The following RALGAPA1 variants were observed in gnomAD, a reference collection of about 807,000 sequenced individuals.
The protein encoded by RALGAPA1 is Ral GTPase activating protein catalytic subunit alpha 1.
RALGAPA1 carries 52 observed loss-of-function variants against 269.6 expected under a neutral mutation model. The ratio of observed to expected loss-of-function variants is 0.19; its 90% CI spans 0.15 to 0.24. The LOEUF (loss-of-function observed/expected upper bound fraction) is 0.24, where lower values mean the gene tolerates loss of function less well. RALGAPA1 is among the 10% of genes least tolerant of loss of function. The probability of loss-of-function intolerance (pLI) is 1.00; values close to 1 mark genes in which losing one functional copy is unlikely to be tolerated. For synonymous variants in RALGAPA1, 817 were observed against 1,008.3 expected, an observed-to-expected ratio of 0.81 and a Z score of 3.60; for missense variants, 1,917 against 3,013.9, an observed-to-expected ratio of 0.64 and a Z score of 8.52.
chr14:35,764,673 T>C (rs761231467), intron 4 of RALGAPA1, among the ~76,000 whole-genome samples: 1 of 152,030 alleles, frequency 6.6e-6, no homozygotes, highest in South Asian at 2.1e-4. Context: ...AGCCCCCAGA[T>C]AGCTGGGACT....
chr14:35,556,869 C>A (rs978521163), intron 39 of RALGAPA1, among the ~76,000 whole-genome samples: 2 of 151,986 alleles, frequency 1.3e-5, no homozygotes, highest in Non-Finnish European at 2.9e-5. Flanking sequence ...AAATTTGGAC[C>A]ACATATAATT....
chr14:35,581,572 A>G (rs1278718897), intron 37 of RALGAPA1, among the ~76,000 whole-genome samples: 2 of 152,190 alleles, frequency 1.3e-5, no homozygotes, highest in African/African-American at 4.8e-5. Flanking sequence ...TTACTACTAG[A>G]GAAAATAAGA....
chr14:35,539,584 G>A lies in RALGAPA1; in HGVS notation c.*130C>T. On this transcript the variant is annotated 3_prime_UTR_variant, in exon 42 of 42. Transcript: ENST00000680220. ...AGCCAGAGGAACGACGCAGCTTCAT[G>A]GACATGCGGCTTTTGCTAGTTCGAG... The A allele has an allele frequency of 1.2e-6, 2 of 1,613,602 alleles. No homozygotes were observed. Among genetic ancestry groups the A allele is most frequent in the Non-Finnish European group, 1.7e-6 (2 of 1,180,014 alleles).
chr14:35,569,515 A>C (rs117821913), intron 39 of RALGAPA1, among the ~76,000 whole-genome samples: 2,727 of 152,202 alleles, frequency 0.018, 46 homozygotes, highest in Non-Finnish European at 0.031. Context: ...CTCAGGCTCA[A>C]AAAGGTTAAA....
chr14:35,718,168 G>A (rs1266042324), intron 16 of RALGAPA1, among the ~76,000 whole-genome samples: 1 of 152,058 alleles, frequency 6.6e-6, no homozygotes, highest in African/African-American at 2.4e-5. Context: ...CTCCTGACAT[G>A]TTTATTGGTT....
At chr14:35,607,836 A>G (rs1031308186) in intron 35 of RALGAPA1, among the ~76,000 whole-genome samples, 1 of 152,226 alleles carries the variant, frequency 6.6e-6, no homozygotes, top group Non-Finnish European at 1.5e-5. Flanking sequence ...AGGAAACGAG[A>G]CAGCCAAGAA....
At chr14:35,708,052 G>A (rs1435875560) in intron 16 of RALGAPA1, among the ~76,000 whole-genome samples, 1 of 151,998 alleles carries the variant, frequency 6.6e-6, no homozygotes, top group Admixed American at 6.6e-5. Context: ...GGGATAACTG[G>A]ATACCCATAT....
intron 35 of RALGAPA1, among the ~76,000 whole-genome samples, chr14:35,619,228 A>G (rs2060449489): frequency 6.6e-6 from 1 of 152,142 alleles, no homozygotes; most frequent in African/African-American, 2.4e-5. Flanking sequence ...AAAAAAGATA[A>G]ATAAATAAAA....
At chr14:35,632,269 T>A (rs1437597725) in intron 33 of RALGAPA1, among the ~76,000 whole-genome samples, 1 of 152,206 alleles carries the variant, frequency 6.6e-6, no homozygotes, top group African/African-American at 2.4e-5. Context: ...AGTTTAGATA[T>A]TTAAAATAAA....
chr14:35,626,719 T>G (rs1049361305), intron 34 of RALGAPA1, among the ~76,000 whole-genome samples: 2 of 152,144 alleles, frequency 1.3e-5, no homozygotes, highest in African/African-American at 4.8e-5. Flanking sequence ...TTTTAAAACT[T>G]CAGATTCTTT....
At chr14:35,770,689 T>C (rs182792152) in intron 4 of RALGAPA1, among the ~76,000 whole-genome samples, 6 of 152,348 alleles carry the variant, frequency 3.9e-5, no homozygotes, top group Non-Finnish European at 7.4e-5. Flanking sequence ...TTTTTTGTTT[T>C]ATAGTTTTAT....
In RALGAPA1 at chr14:35,646,512, CA is replaced by C. The variant is rs1234123042; in HGVS notation, c.5676+5292del. Reference sequence around the variant, plus strand: ...ACCTAATCATGATGAAACACAAAGCCAAAACGCAGGACATTTTATACAGTAA... The same window carrying C: ...ACCTAATCATGATGAAACACAAAGCCAAACGCAGGACATTTTATACAGTAA... On this transcript the variant is annotated intron_variant, in intron 31 of 41. Transcript: ENST00000680220. Among the ~76,000 whole-genome samples, 15 of 152,044 alleles carry C rather than the reference CA, an allele frequency of 9.9e-5. No individual in the cohort carries two copies. The East Asian group carries it at 2.7e-3, about 27-fold the overall frequency.
rs1285557679 is a variant in RALGAPA1, at chr14:35,659,165, G to A, written c.5360C>T (p.Ala1787Val). The change falls in exon 28 of 42, where the codon GCA becomes GTA. Residue 1787 changes from alanine (A) to valine (V), a missense_variant. Physicochemically the swap from Ala to Val is moderately conservative, Grantham distance 64. Transcript: ENST00000680220. ...TGCAGGACCAGAGGGCTCATCTCTT[G>A]CCGAGCTTAATACAGTTTTGATTAT... ...ELIIKTVLSS[A>V]RDEPSGPARC... is the part of the protein sequence containing the mutation. 1 of 1,611,316 alleles carries A rather than the reference G, an allele frequency of 6.2e-7. No homozygotes were observed. Among genetic ancestry groups the A allele is most frequent in the South Asian group, 1.1e-5 (1 of 90,790 alleles).
chr14:35,611,368 T>A (rs1383590020), intron 35 of RALGAPA1, among the ~76,000 whole-genome samples: 2 of 151,798 alleles, frequency 1.3e-5, no homozygotes, highest in Non-Finnish European at 2.9e-5. Context: ...TGGGTGTGGT[T>A]GCGTGCGCTT....
chr14:35,796,540 C>T (rs1260428093), intron 1 of RALGAPA1, among the ~76,000 whole-genome samples: 2 of 152,126 alleles, frequency 1.3e-5, no homozygotes, highest in Non-Finnish European at 2.9e-5. Flanking sequence ...CTCAATTAAT[C>T]TTAAGCCAAG....
At chr14:35,582,978 C>CA (rs1031346620) in intron 37 of RALGAPA1, among the ~76,000 whole-genome samples, 4 of 152,128 alleles carry the variant, frequency 2.6e-5, no homozygotes, top group African/African-American at 9.7e-5. Flanking sequence ...CCCCTTCCCC[C>CA]ACACCTTACC....
At chr14:35,738,362 TAA>T in intron 12 of RALGAPA1, 149 bp downstream of exon 12, 1 of 405,764 alleles carries the variant, frequency 2.5e-6, no homozygotes. Flanking sequence ...ATATATATAT[TAA>T]GTGATGAAAG....
At chr14:35,697,789 C>T (rs1423651145) in intron 17 of RALGAPA1, among the ~76,000 whole-genome samples, 1 of 151,936 alleles carries the variant, frequency 6.6e-6, no homozygotes, top group Non-Finnish European at 1.5e-5. Context: ...CTTGAAAAAT[C>T]CTGACTTCAT....
chr14:35,654,594 A>G, intron 29 of RALGAPA1, 117 bp from the exon 30 acceptor site: 1 of 1,215,168 alleles, frequency 8.2e-7, no homozygotes, highest in Non-Finnish European at 1.1e-6. Context: ...CTACATTTAT[A>G]GGTGATTAAG....
Sources: gnomAD v4.1 joint callset for allele counts (sites outside exome capture counted in the v4.1 genomes callset) on GRCh38, gnomAD v4.1.1 for gene constraint, MANE v1.5 for transcripts, NCBI Gene and HGNC (gene_info 2026-07-23, HGNC 2026-07-21) for gene names.